Variants in CCDC68 observed in about 807,000 individuals in gnomAD.
CCDC68 encodes coiled-coil domain containing 68, also known as coiled-coil domain-containing protein 68.
In CCDC68, 45 loss-of-function variants were observed where a neutral mutation model predicts 47.1. The observed-to-expected ratio is 0.96, with a 90% confidence interval of 0.75 to 1.23. CCDC68 has a LOEUF of 1.23. Among genes scored for constraint, CCDC68 ranks in the 50% most tolerant of loss-of-function variants. The pLI is 0.00. For missense variants in CCDC68, 353 were observed against 373.6 expected (o/e 0.94, Z 0.45); for synonymous variants, 131 against 129.5 (o/e 1.01, Z -0.08).
chr18:54,942,995 A>G, intron 2 of CCDC68, 192 bp from the exon 3 acceptor site: 1 of 393,668 alleles, frequency 2.5e-6, no homozygotes, highest in African/African-American at 2.1e-5. Context: ...TGAAGGAATC[A>G]TTAATTAAAA....
intron 1 of CCDC68, among the ~76,000 whole-genome samples, chr18:54,957,423 A>G (rs1255032752): frequency 1.3e-5 from 2 of 152,198 alleles, no homozygotes; most frequent in African/African-American, 2.4e-5. Context: ...GAGGACTCCA[A>G]TGTAGTAAAT....
chr18:54,911,909 G>C lies in CCDC68; in HGVS notation c.874-4047C>G, dbSNP rs72928825. ...CCATGCTGATTTGTTTCATCTACCA[G>C]ATTTAGGCATTTAGTCTTGATTCAT... On this transcript the variant is annotated intron_variant, in intron 10 of 11. Transcript: ENST00000591504. Among the ~76,000 whole-genome samples the C allele has an allele frequency of 8.5e-3, 1,289 of 152,210 alleles. 12 individuals carry two copies. The highest frequency in any genetic ancestry group is 0.012 in the Admixed American group (187 of 15,276).
intron 1 of CCDC68, among the ~76,000 whole-genome samples, chr18:54,946,969 AG>A (rs1429086241): frequency 1.3e-5 from 2 of 152,212 alleles, no homozygotes; most frequent in Non-Finnish European, 2.9e-5. Context: ...CTGGTTGCAA[AG>A]CTTTATAACT....
chr18:54,917,833 G>A (rs993101639), intron 10 of CCDC68, 80 bp downstream of exon 10: 42 of 720,542 alleles, frequency 5.8e-5, no homozygotes, highest in South Asian at 1.1e-4. Context: ...ATACCCTCAC[G>A]TGCACAGACA....
At chr18:54,916,165 C>G (rs2043948061) in intron 10 of CCDC68, among the ~76,000 whole-genome samples, 1 of 151,916 alleles carries the variant, frequency 6.6e-6, no homozygotes, top group Non-Finnish European at 1.5e-5. Flanking sequence ...AGTTTTGAGC[C>G]AATTATTCCA....
chr18:54,936,269 A>G (rs1568152194), intron 6 of CCDC68, among the ~76,000 whole-genome samples: 3 of 145,730 alleles, frequency 2.1e-5, no homozygotes, highest in Non-Finnish European at 4.5e-5. Context: ...AAAAATATAT[A>G]GTTATATATT....
Position 54,928,821 on chromosome 18 carries a change from G to A in CCDC68, c.662C>T (p.Ser221Phe). 6.2e-7 allele frequency: 1 copy of A among 1,611,546 alleles called. No individual in the cohort carries two copies. Among genetic ancestry groups the A allele is most frequent in the Non-Finnish European group, 8.5e-7 (1 of 1,177,666 alleles). ...AAACCTTTTTCCATATGTAGCACTG[G>A]ATTTGAGTTGCAGTAGCTTGTTTTC... is the stretch of plus-strand genomic sequence containing the variant. ...SLENKLLQLK[S>F]SATYGKSCQD... Residue 221 changes from serine to phenylalanine, a missense_variant, in exon 8 of 12, where the codon TCC becomes TTC. By Grantham distance (155) the Ser-to-Phe change is radical (BLOSUM62 -2). Coordinates refer to ENST00000591504, the MANE Select transcript of CCDC68 (RefSeq NM_025214.3).
intron 5 of CCDC68, among the ~76,000 whole-genome samples, chr18:54,937,430 T>C (rs1340249329): frequency 6.6e-6 from 1 of 152,196 alleles, no homozygotes; most frequent in African/African-American, 2.4e-5. Flanking sequence ...AGGATGACTA[T>C]AAAGACTTCC....
intron 8 of CCDC68, among the ~76,000 whole-genome samples, chr18:54,924,744 G>A (rs759174596): frequency 3.3e-5 from 5 of 152,102 alleles, no homozygotes; most frequent in African/African-American, 9.7e-5. Context: ...ACTCCCCAAC[G>A]TCTCCCAAAG....
chr18:54,920,692 T>C (rs1293665822), intron 8 of CCDC68, among the ~76,000 whole-genome samples: 1 of 152,084 alleles, frequency 6.6e-6, no homozygotes, highest in Non-Finnish European at 1.5e-5. Context: ...AGTAAAAAAA[T>C]AACAGATGTT....
rs889328942 is a variant in CCDC68, at chr18:54,903,338, C to T, written c.*1020G>A. 4 of 152,300 alleles carry T rather than the reference C, an allele frequency of 2.6e-5. No individual in the cohort carries two copies. Among genetic ancestry groups the T allele is most frequent in the African/African-American group, 9.6e-5 (4 of 41,584 alleles). 9.4% of individuals were successfully genotyped at this position (152,300 alleles called of 1,614,324 possible). A position where few individuals can be genotyped will look rare whatever the true frequency, so the allele number is the denominator to read the frequency against. ...CTTTCCTGACTGTATGTCTGCATTT[C>T]TGCAAGTCAGAATTTGTTCTATTCA... On this transcript the variant is annotated 3_prime_UTR_variant, in exon 12 of 12. Coordinates refer to ENST00000591504, the MANE Select transcript of CCDC68 (RefSeq NM_025214.3).
rs952272811 is a variant in CCDC68, at chr18:54,907,525, G to C, written c.950+261C>G. ...TGTAATGTCTAGGTGTTGGAGTTGA[G>C]ATTGGGCTTGTTAATTAGGGCAAAG... On this transcript the variant is annotated intron_variant, in intron 11 of 11. Transcript: ENST00000591504. 7.2e-5 allele frequency among the ~76,000 whole-genome samples: 11 copies of C among 152,110 alleles called. 1 individual carries two copies. Among genetic ancestry groups the C allele is most frequent in the Non-Finnish European group, 1.5e-4 (10 of 68,020 alleles).
chr18:54,907,491 G>T (rs951144206), intron 11 of CCDC68, among the ~76,000 whole-genome samples: 6 of 152,138 alleles, frequency 3.9e-5, no homozygotes, highest in African/African-American at 1.4e-4. Flanking sequence ...GACAATAAAG[G>T]AGATGATCTG....
At chr18:54,950,602 T>C (rs1202554723) in intron 1 of CCDC68, among the ~76,000 whole-genome samples, 1 of 152,180 alleles carries the variant, frequency 6.6e-6, no homozygotes, top group Non-Finnish European at 1.5e-5. Context: ...ACATATATTA[T>C]AGCCAGTGCT....
At chr18:54,910,652 T>C (rs1599025238) in intron 10 of CCDC68, among the ~76,000 whole-genome samples, 1 of 152,348 alleles carries the variant, frequency 6.6e-6, no homozygotes. Flanking sequence ...CCCAGGCTGT[T>C]TGTGCCAAGG....
chr18:54,939,966 G>T (rs1204701322), intron 4 of CCDC68, among the ~76,000 whole-genome samples: 2 of 151,946 alleles, frequency 1.3e-5, no homozygotes, highest in African/African-American at 4.8e-5. Flanking sequence ...CAGCATCTTG[G>T]CTCTACCCTA....
At chr18:54,952,292 T>C (rs938031593) in intron 1 of CCDC68, among the ~76,000 whole-genome samples, 5 of 152,248 alleles carry the variant, frequency 3.3e-5, no homozygotes, top group Admixed American at 3.3e-4. Context: ...ATGATGCCCT[T>C]TTAGAAAATG....
intron 7 of CCDC68, 81 bp downstream of exon 7, chr18:54,934,739 C>A (rs2044315024): frequency 3.1e-6 from 3 of 971,846 alleles, no homozygotes; most frequent in African/African-American, 3.4e-5. Flanking sequence ...ATTTAATATC[C>A]TATTTATTTT....
At chr18:54,951,101 G>A (rs1028813413) in intron 1 of CCDC68, among the ~76,000 whole-genome samples, 3 of 150,578 alleles carry the variant, frequency 2.0e-5, no homozygotes, top group African/African-American at 7.4e-5. Context: ...GTAGAGACGG[G>A]GTTTCACCGT....
Sources: allele counts gnomAD v4.1 joint callset (sites outside exome capture counted in the v4.1 genomes callset), GRCh38; gene constraint gnomAD v4.1.1; transcripts MANE v1.5; gene names NCBI Gene and HGNC (gene_info 2026-07-23, HGNC 2026-07-21).